The following NPAS2 variants were observed in gnomAD, a reference collection of about 807,000 sequenced individuals.
NPAS2 encodes neuronal PAS domain-containing protein 2.
NPAS2 carries 23 observed loss-of-function variants against 107.5 expected under a neutral mutation model. The observed-to-expected ratio is 0.21, with a 90% CI of 0.15 to 0.30. The LOEUF is 0.30. Ranked by LOEUF, NPAS2 falls within the 10% of genes least tolerant of loss-of-function variation. NPAS2 has a pLI of 1.00. For missense variants in NPAS2, 756 were observed against 1,043.3 expected (o/e 0.72, Z 3.79); for synonymous variants, 403 against 417.5 (o/e 0.97, Z 0.42).
At chr2:100,836,177 CAG>C (rs1426730132) in intron 1 of NPAS2, among the ~76,000 whole-genome samples, 1 of 152,176 alleles carries the variant, frequency 6.6e-6, no homozygotes, top group Non-Finnish European at 1.5e-5. Context: ...TTTATGAAAA[CAG>C]AAGCAAAATC....
chr2:100,901,122 GTTTA>G (rs1681742202), intron 1 of NPAS2, among the ~76,000 whole-genome samples: 1 of 152,218 alleles, frequency 6.6e-6, no homozygotes, highest in African/African-American at 2.4e-5. Context: ...CTCCCCATTT[GTTTA>G]TTTATCTGGG....
chr2:100,819,847 C>A (rs936480854), upstream of NPAS2, among the ~76,000 whole-genome samples: 2 of 152,134 alleles, frequency 1.3e-5, no homozygotes, highest in Non-Finnish European at 2.9e-5. The surrounding 1 kb of genome is among the most constrained non-coding windows in gnomAD (Gnocchi z 5.8). Context: ...CAGGCCCGAC[C>A]CCGCCGCGCG....
chr2:100,831,047 C>T (rs1271368086), intron 1 of NPAS2, among the ~76,000 whole-genome samples: 1 of 152,138 alleles, frequency 6.6e-6, no homozygotes, highest in Non-Finnish European at 1.5e-5. Flanking sequence ...TGCCTGTAAT[C>T]CTAGCACTTT....
intron 3 of NPAS2, among the ~76,000 whole-genome samples, chr2:100,929,504 C>T (rs989141372): frequency 6.6e-6 from 1 of 152,188 alleles, no homozygotes; most frequent in Non-Finnish European, 1.5e-5. Context: ...ATACATATTA[C>T]CAGGTAACCC....
At chr2:100,836,166 G>A (rs1056881288) in intron 1 of NPAS2, among the ~76,000 whole-genome samples, 2 of 152,154 alleles carry the variant, frequency 1.3e-5, no homozygotes, top group African/African-American at 2.4e-5. Flanking sequence ...TGCTGCTACC[G>A]TTTATGAAAA....
At chr2:100,935,640 G>A (rs1258726348) in intron 4 of NPAS2, among the ~76,000 whole-genome samples, 1 of 152,144 alleles carries the variant, frequency 6.6e-6, no homozygotes, top group Non-Finnish European at 1.5e-5. Flanking sequence ...ACATTCAGGA[G>A]GGACATGGGC....
chr2:100,937,535 C>T (rs1015902806), intron 4 of NPAS2, among the ~76,000 whole-genome samples: 9 of 152,152 alleles, frequency 5.9e-5, no homozygotes, highest in Admixed American at 3.3e-4. Flanking sequence ...TTTCACTGAT[C>T]CTGTAGTGCT....
intron 3 of NPAS2, among the ~76,000 whole-genome samples, chr2:100,930,194 A>G (rs1683844928): frequency 6.6e-6 from 1 of 152,210 alleles, no homozygotes; most frequent in Non-Finnish European, 1.5e-5. Context: ...ATTTTCTCCT[A>G]ACATTAAATC....
intron 11 of NPAS2, among the ~76,000 whole-genome samples, chr2:100,969,945 TAGAC>T (rs1676442219): frequency 6.6e-6 from 1 of 152,278 alleles, no homozygotes; most frequent in South Asian, 2.1e-4. Flanking sequence ...CAGACAGATG[TAGAC>T]AGACAGACAC....
chr2:100,871,271 C>T (rs1301996319), intron 1 of NPAS2, among the ~76,000 whole-genome samples: 1 of 151,894 alleles, frequency 6.6e-6, no homozygotes, highest in Admixed American at 6.5e-5. Context: ...AAGAGTTTTT[C>T]AGCCTGGCTT....
chr2:100,937,713 C>T (rs368706623), intron 4 of NPAS2, 40 bp from the exon 5 acceptor site: 25 of 1,406,866 alleles, frequency 1.8e-5, no homozygotes, highest in African/African-American at 5.6e-5. Flanking sequence ...CCTCCATAAA[C>T]GCATTGCTAA....
At chr2:100,821,389 C>G (rs925472071) in intron 1 of NPAS2, among the ~76,000 whole-genome samples, 9 of 152,066 alleles carry the variant, frequency 5.9e-5, no homozygotes, top group African/African-American at 2.2e-4. Context: ...AGGAGGGTCC[C>G]GGAGAGGAGT....
chr2:100,923,861 C>T lies in NPAS2; in HGVS notation c.33-1285C>T, dbSNP rs139588218. On this transcript the variant is annotated intron_variant, in intron 2 of 20. Transcript: ENST00000335681. The stretch of plus-strand genomic sequence containing the variant: ...GATGGAGGCCCCTCGAGTAGCACTG[C>T]TTCCGGACTTTTCAGGAGGGCTTTT... Among the ~76,000 whole-genome samples the T allele has an allele frequency of 2.3e-3, 344 of 152,210 alleles. 2 individuals are homozygous for T. Among genetic ancestry groups the T allele is most frequent in the Middle Eastern group, 0.01 (3 of 294 alleles).
At chr2:100,994,572 T>C (rs1573823024) in intron 20 of NPAS2, 1 of 152,292 alleles carries the variant, frequency 6.6e-6, no homozygotes, top group Non-Finnish European at 1.5e-5. Context: ...TGGGGTGGGG[T>C]GCAGAGAGGT....
Position 100,959,103 on chromosome 2 carries a change from A to AAAAAC in NPAS2, c.599-4951_599-4950insCAAAA, listed in dbSNP as rs1553461895. 3.9e-3 allele frequency among the ~76,000 whole-genome samples: 259 copies of AAAAAC among 66,954 alleles called. 2 individuals are homozygous for AAAAAC. Among genetic ancestry groups the AAAAAC allele is most frequent in the African/African-American group, 9.7e-3 (215 of 22,064 alleles). 43.9% of individuals were successfully genotyped at this position (66,954 alleles called of 152,430 possible). ...CCCCATCTCTTCAAAAAAAAAAAAA[A>AAAAAC]AAAAAACAAAACTAAAATTAGCCAG... On this transcript the variant is annotated intron_variant, in intron 7 of 20. Coordinates refer to ENST00000335681, the MANE Select transcript of NPAS2 (RefSeq NM_002518.4).
intron 1 of NPAS2, among the ~76,000 whole-genome samples, chr2:100,881,071 C>G (rs892467603): frequency 6.6e-6 from 1 of 152,154 alleles, no homozygotes; most frequent in Admixed American, 6.6e-5. Flanking sequence ...TGGGCCCCAC[C>G]CCAGGGATGC....
chr2:100,836,819 G>A (rs1677102223), intron 1 of NPAS2, among the ~76,000 whole-genome samples: 1 of 152,172 alleles, frequency 6.6e-6, no homozygotes, highest in African/African-American at 2.4e-5. Context: ...GGGAGGAATG[G>A]GGTTTTCCTC....
At chr2:100,905,315 G>A (rs2117714) in intron 2 of NPAS2, among the ~76,000 whole-genome samples, 95,770 of 151,630 alleles carry the variant, frequency 0.63, 31,054 homozygotes, top group Non-Finnish European at 0.72. Flanking sequence ...GACACCTTGC[G>A]CTGTGGTTGG....
chr2:100,865,079 T>C (rs9789701), intron 1 of NPAS2, among the ~76,000 whole-genome samples: 4,621 of 152,248 alleles, frequency 0.03, 117 homozygotes, highest in African/African-American at 0.057. Context: ...GAAAATGAGA[T>C]TGAGAAAGAC....
Sources: allele counts gnomAD v4.1 joint callset (sites outside exome capture counted in the v4.1 genomes callset), GRCh38; gene constraint gnomAD v4.1.1; non-coding constraint Gnocchi (gnomAD v3.1); transcripts MANE v1.5; gene names NCBI Gene and HGNC (gene_info 2026-07-23, HGNC 2026-07-21).